CCDC177: variants seen among roughly 807,000 people sequenced by gnomAD.
CCDC177 encodes the protein coiled-coil domain-containing protein 177.
In CCDC177, 2 loss-of-function variants were observed where a neutral mutation model predicts 7.3. The ratio of observed to expected loss-of-function variants is 0.28; its 90% confidence interval spans 0.11 to 0.87. CCDC177 has a LOEUF of 0.87. CCDC177 is among the 40% of genes least tolerant of loss of function. The pLI is 0.61. For synonymous variants in CCDC177, 401 were observed against 449.2 expected, an observed-to-expected ratio of 0.89 and a Z score of 1.36; for missense variants, 874 against 970.5, an observed-to-expected ratio of 0.90 and a Z score of 1.32.
At position 69,572,551 on chromosome 14, in the gene CCDC177, G is replaced by A. The variant is rs1884350371; in HGVS notation, c.1072C>T (p.Gln358Ter). The A allele has an allele frequency of 2.4e-6, 3 of 1,231,132 alleles. No homozygotes were observed. The highest frequency in any genetic ancestry group is 3.0e-6 in the Non-Finnish European group (3 of 987,516). The allele number at this position is 1,231,132 out of a possible 1,614,324, so 76.3% of individuals were successfully genotyped here. A position where few individuals can be genotyped will look rare whatever the true frequency, so the allele number is the denominator to read the frequency against. The change falls in exon 2 of 2, where the codon CAA becomes TAA. Residue 358 changes from glutamine (Q) to a stop codon, truncating the protein, a stop_gained. Coordinates refer to ENST00000599174, the MANE Select transcript of CCDC177 (RefSeq NM_001271507.2). LOFTEE classifies it low-confidence loss of function (END_TRUNC). ...CACTGGCCGTGGGCAGCCGCGCGTT[G>A]CTCCAGCAGCAGGAGCTCCTCCTGG... The part of the protein sequence containing the change: ...RHQEELLLLE[Q>*]RAAAHGQWEL...
Position 69,572,446 on chromosome 14 carries a change from G to C in CCDC177, c.1177C>G (p.Arg393Gly), listed in dbSNP as rs1332448329. 6.5e-6 allele frequency: 8 copies of C among 1,229,200 alleles called. No individual in the cohort carries two copies. The highest frequency in any genetic ancestry group is 4.7e-5 in the African/African-American group (3 of 64,332). The allele number at this position is 1,229,200 out of a possible 1,614,324, so 76.1% of individuals were successfully genotyped here. ...EKQRALEQGR[R>G]AWAAQVEERR... ...TCCTCCACCTGCGCGGCCCAGGCTC[G>C]GCGGCCCTGCTCTAGGGCGCGCTGC... Residue 393 changes from arginine (R) to glycine (G), a missense_variant, in exon 2 of 2, where the codon CGA becomes GGA. Arg to Gly is a moderately radical substitution (Grantham distance 125). Transcript: ENST00000599174.
In CCDC177 at chr14:69,571,926, T is replaced by C. The variant is rs1884332357; in HGVS notation, c.1697A>G (p.Gln566Arg). ...LRERARREEL[Q>R]GRRAKEAAER... ...TGCCGCCTCCTTGGCCCGCCGACCC[T>C]GCAGCTCCTCTCGCCGGGCCCGCTC... The change falls in exon 2 of 2, where the codon CAG (glutamine) becomes CGG (arginine). Residue 566 changes from glutamine to arginine, a missense_variant. Coordinates refer to ENST00000599174, the MANE Select transcript of CCDC177 (RefSeq NM_001271507.2). The C allele has an allele frequency of 1.6e-6, 2 of 1,232,252 alleles. No individual in the cohort carries two copies. Among genetic ancestry groups the C allele is most frequent in the Non-Finnish European group, 2.0e-6 (2 of 988,438 alleles). 76.3% of individuals were successfully genotyped at this position (1,232,252 alleles called of 1,614,324 possible).
chr14:69,574,257 T>C (rs2047911869), intron 1 of CCDC177, among the ~76,000 whole-genome samples: 1 of 152,216 alleles, frequency 6.6e-6, no homozygotes, highest in East Asian at 1.9e-4. Context: ...CCAGCAGCTC[T>C]GGCAGGGCTT....
In CCDC177 at chr14:69,570,856, A is replaced by G. The variant is rs1347963030; in HGVS notation, c.*643T>C. 1 of 457,538 alleles carries G rather than the reference A, an allele frequency of 2.2e-6. No individual in the cohort carries two copies. The highest frequency in any genetic ancestry group is 4.4e-6 in the Non-Finnish European group (1 of 226,816). 28.3% of individuals were successfully genotyped at this position (457,538 alleles called of 1,614,324 possible). A position where few individuals can be genotyped will look rare whatever the true frequency, so the allele number is the denominator to read the frequency against. ...GAACATTATCTGCAGATGACTGTCT[A>G]ACTAGAAAACCCAAGGGACTAAACT... On this transcript the variant is annotated 3_prime_UTR_variant, in exon 2 of 2. Coordinates refer to ENST00000599174, the MANE Select transcript of CCDC177 (RefSeq NM_001271507.2).
chr14:69,572,963 C>G lies in CCDC177; in HGVS notation c.660G>C (p.Pro220=). The G allele has an allele frequency of 3.2e-6, 4 of 1,231,146 alleles. No homozygotes were observed. The highest frequency in any genetic ancestry group is 4.1e-6 in the Non-Finnish European group (4 of 987,608). The allele number at this position is 1,231,146 out of a possible 1,614,324, so 76.3% of individuals were successfully genotyped here. Residue 220 remains proline (P), a synonymous_variant, in exon 2 of 2, where the codon CCG becomes CCC. Transcript: ENST00000599174. ...PSPSSARTQP[P]PAGSRTGRKS... is the part of the protein sequence containing the mutation. ...TCCTGCCTGTTCGAGAACCCGCTGGCGGAGGTTGGGTCCGGGCGGAGGAGG... is the reference window on the plus strand; with the variant it reads ...TCCTGCCTGTTCGAGAACCCGCTGGGGGAGGTTGGGTCCGGGCGGAGGAGG...
Position 69,573,558 on chromosome 14 carries a change from T to A in CCDC177, c.65A>T (p.Glu22Val). 1 of 1,231,828 alleles carries A rather than the reference T, an allele frequency of 8.1e-7. No homozygotes were observed. Among genetic ancestry groups the A allele is most frequent in the South Asian group, 4.1e-5 (1 of 24,328 alleles). 76.3% of individuals were successfully genotyped at this position (1,231,828 alleles called of 1,614,324 possible). ...GAEPGDSGGDEAVASVPPDSQ... is the reference protein window; with the variant it reads ...GAEPGDSGGDVAVASVPPDSQ... ...ATCAGGGGGCACGGACGCCACGGCCTCGTCCCCTCCAGAGTCGCCGGGTTC... is the reference window on the plus strand; with the variant it reads ...ATCAGGGGGCACGGACGCCACGGCCACGTCCCCTCCAGAGTCGCCGGGTTC... The change falls in exon 2 of 2, where the codon GAG (glutamate) becomes GTG (valine). Residue 22 changes from glutamate (E) to valine (V), a missense_variant. By Grantham distance (121) the Glu-to-Val change is moderately radical. Transcript: ENST00000599174.
At position 69,574,576 on chromosome 14, in the gene CCDC177, T is replaced by G. The variant is rs1187671049; in HGVS notation, c.-63A>C. 1.3e-5 allele frequency: 2 copies of G among 152,274 alleles called. No homozygotes were observed. 9.4% of individuals were successfully genotyped at this position (152,274 alleles called of 1,614,324 possible). On this transcript the variant is annotated 5_prime_UTR_variant, in exon 1 of 2. Transcript: ENST00000599174. Reference sequence around the variant, plus strand: ...TGGGCTTCGGCCCCGCGCCAAGGGCTTTTGTTCGCAGCTCGCCGCTGTCCC... The same window carrying G: ...TGGGCTTCGGCCCCGCGCCAAGGGCGTTTGTTCGCAGCTCGCCGCTGTCCC...
chr14:69,573,240 C>G lies in CCDC177; in HGVS notation c.383G>C (p.Arg128Pro). The change falls in exon 2 of 2, where the codon CGG (arginine) becomes CCG (proline). Residue 128 changes from arginine (R) to proline (P), a missense_variant. Coordinates refer to ENST00000599174, the MANE Select transcript of CCDC177 (RefSeq NM_001271507.2). ...LVREAPGRSM[R>P]VATGLYEAYE... ...GGCCTCATACAGGCCGGTGGCCACC[C>G]GCATGGAGCGGCCCGGAGCCTCTCG... 1 of 1,230,666 alleles carries G rather than the reference C, an allele frequency of 8.1e-7. No individual in the cohort carries two copies. Among genetic ancestry groups the G allele is most frequent in the East Asian group, 3.2e-5 (1 of 31,564 alleles). The allele number at this position is 1,230,666 out of a possible 1,614,324, so 76.2% of individuals were successfully genotyped here.
Position 69,572,813 on chromosome 14 carries a change from C to T in CCDC177, c.810G>A (p.Ser270=), listed in dbSNP as rs1282205747. 5 of 1,231,306 alleles carry T rather than the reference C, an allele frequency of 4.1e-6. No individual in the cohort carries two copies. Among genetic ancestry groups the T allele is most frequent in the African/African-American group, 1.6e-5 (1 of 64,394 alleles). The allele number at this position is 1,231,306 out of a possible 1,614,324, so 76.3% of individuals were successfully genotyped here. A position where few individuals can be genotyped will look rare whatever the true frequency, so the allele number is the denominator to read the frequency against. ...LRELRWPPRA[S]ARNSCPAGSA... is the part of the protein sequence containing the mutation. Reference sequence around the variant, plus strand: ...ACCCCGCTGGGCAGCTGTTCCTGGCCGAGGCCCGAGGCGGCCAGCGCAGCT... The same window carrying T: ...ACCCCGCTGGGCAGCTGTTCCTGGCTGAGGCCCGAGGCGGCCAGCGCAGCT... The change falls in exon 2 of 2, where the codon TCG becomes TCA. Residue 270 remains serine, a synonymous_variant. Coordinates refer to ENST00000599174, the MANE Select transcript of CCDC177 (RefSeq NM_001271507.2).
rs1884326237 is a variant in CCDC177 at position 69,571,639 on chromosome 14, G to T, written c.1984C>A (p.Arg662Ser). 1 of 1,232,562 alleles carries T rather than the reference G, an allele frequency of 8.1e-7. No individual in the cohort carries two copies. The allele number at this position is 1,232,562 out of a possible 1,614,324, so 76.4% of individuals were successfully genotyped here. ...GAGCGGGCGCTCTCCAGCGCACTGCGCCGTTCCCGCGTCAGCTGCTCGCTG... is the reference window on the plus strand; with the variant it reads ...GAGCGGGCGCTCTCCAGCGCACTGCTCCGTTCCCGCGTCAGCTGCTCGCTG... Reference protein sequence around the residue: ...ERSEQLTRERRSALESARSTA... With the variant: ...ERSEQLTRERSSALESARSTA... The change falls in exon 2 of 2, where the codon CGC becomes AGC. Residue 662 changes from arginine to serine, a missense_variant. By Grantham distance (110) the Arg-to-Ser change is moderately radical (BLOSUM62 -1). Transcript: ENST00000599174.
rs188065373 is a variant in CCDC177 at position 69,570,966 on chromosome 14, C to T, written c.*533G>A. On this transcript the variant is annotated 3_prime_UTR_variant, in exon 2 of 2. Transcript: ENST00000599174. ...TCAACTGCTTTTTGGATCATTTGGG[C>T]GTGGCTTGACACCTTGGAGGAGCTG... The T allele has an allele frequency of 5.2e-3, 2,411 of 459,366 alleles. 8 individuals carry two copies. The highest frequency in any genetic ancestry group is 0.013 in the Middle Eastern group (40 of 3,078). 28.5% of individuals were successfully genotyped at this position (459,366 alleles called of 1,614,324 possible).
At position 69,571,718 on chromosome 14, in the gene CCDC177, G is replaced by C; in HGVS notation, c.1905C>G (p.Asp635Glu). The change falls in exon 2 of 2, where the codon GAC (aspartate) becomes GAG (glutamate). Residue 635 changes from aspartate (D) to glutamate (E), a missense_variant. Coordinates refer to ENST00000599174, the MANE Select transcript of CCDC177 (RefSeq NM_001271507.2). ...GTAGCTCTCGCCGGCGGCAGTCTTC[G>C]TCCCTCTCCACCTTCTCCTTGTTGG... Reference protein sequence around the residue: ...QRANKEKVERDEDCRRRELLQ... With the variant: ...QRANKEKVEREEDCRRRELLQ... The C allele has an allele frequency of 2.4e-6, 3 of 1,231,788 alleles. No individual in the cohort carries two copies. Among genetic ancestry groups the C allele is most frequent in the Non-Finnish European group, 3.0e-6 (3 of 988,104 alleles). 76.3% of individuals were successfully genotyped at this position (1,231,788 alleles called of 1,614,324 possible).
rs908249647 is a variant in CCDC177, at chr14:69,572,494, G to A, written c.1129C>T (p.Arg377Trp). The A allele has an allele frequency of 4.9e-6, 6 of 1,230,730 alleles. No individual in the cohort carries two copies. The highest frequency in any genetic ancestry group is 8.5e-5 in the Admixed American group (2 of 23,654). The allele number at this position is 1,230,730 out of a possible 1,614,324, so 76.2% of individuals were successfully genotyped here. A position where few individuals can be genotyped will look rare whatever the true frequency, so the allele number is the denominator to read the frequency against. The change falls in exon 2 of 2, where the codon CGG becomes TGG. Residue 377 changes from arginine (R) to tryptophan (W), a missense_variant. Transcript: ENST00000599174. ...ELQRVHAKQR[R>W]EREEREKQRA... ...TGCTTCTCCCGCTCCTCGCGCTCCC[G>A]CCGCTGCTTGGCGTGCACGCGCTGC...
chr14:69,572,864 T>C lies in CCDC177; in HGVS notation c.759A>G (p.Ser253=), dbSNP rs1212383311. 2.8e-5 allele frequency: 34 copies of C among 1,230,656 alleles called. No individual in the cohort carries two copies. Among genetic ancestry groups the C allele is most frequent in the South Asian group, 4.1e-5 (1 of 24,322 alleles). The allele number at this position is 1,230,656 out of a possible 1,614,324, so 76.2% of individuals were successfully genotyped here. Reference sequence around the variant, plus strand: ...CCCTCAAGCTTTCCCCACTGTAGGATGACGACGATGCGCCCGACTCGGAGC... The same window carrying C: ...CCCTCAAGCTTTCCCCACTGTAGGACGACGACGATGCGCCCGACTCGGAGC... ...ALSSESGASS[S]SYSGESLREL... is the part of the protein sequence containing the mutation. The change falls in exon 2 of 2, where the codon TCA becomes TCG. Residue 253 remains serine (S), a synonymous_variant. Transcript: ENST00000599174.
Position 69,572,807 on chromosome 14 carries a change from C to G in CCDC177, c.816G>C (p.Arg272Ser), listed in dbSNP as rs1267039080. ...ELRWPPRASA[R>S]NSCPAGSASS... ...ACGCCGACCCCGCTGGGCAGCTGTT[C>G]CTGGCCGAGGCCCGAGGCGGCCAGC... The change falls in exon 2 of 2, where the codon AGG becomes AGC. Residue 272 changes from arginine (R) to serine (S), a missense_variant. Physicochemically the swap from Arg to Ser is moderately radical, Grantham distance 110. Coordinates refer to ENST00000599174, the MANE Select transcript of CCDC177 (RefSeq NM_001271507.2). The G allele has an allele frequency of 8.1e-7, 1 of 1,231,346 alleles. No homozygotes were observed. Among genetic ancestry groups the G allele is most frequent in the Non-Finnish European group, 1.0e-6 (1 of 987,792 alleles). The allele number at this position is 1,231,346 out of a possible 1,614,324, so 76.3% of individuals were successfully genotyped here.
In CCDC177 at chr14:69,571,783, C is replaced by T. The variant is rs569592833; in HGVS notation, c.1840G>A (p.Val614Met). The T allele has an allele frequency of 1.6e-6, 2 of 1,231,616 alleles. No homozygotes were observed. The highest frequency in any genetic ancestry group is 3.2e-5 in the East Asian group (1 of 31,664). The allele number at this position is 1,231,616 out of a possible 1,614,324, so 76.3% of individuals were successfully genotyped here. ...EEAVQQKARR[V>M]GQSRLEKERA... ...TCCTTCTCCAGCCGGCTCTGGCCCA[C>T]GCGCCGCGCCTTCTGCTGCACTGCT... The change falls in exon 2 of 2, where the codon GTG becomes ATG. Residue 614 changes from valine to methionine, a missense_variant. Val to Met is a conservative substitution (Grantham distance 21). Transcript: ENST00000599174.
chr14:69,572,376 C>T lies in CCDC177; in HGVS notation c.1247G>A (p.Arg416Gln). 8.2e-7 allele frequency: 1 copy of T among 1,219,932 alleles called. No homozygotes were observed. Among genetic ancestry groups the T allele is most frequent in the Non-Finnish European group, 1.0e-6 (1 of 980,586 alleles). The allele number at this position is 1,219,932 out of a possible 1,614,324, so 75.6% of individuals were successfully genotyped here. A position where few individuals can be genotyped will look rare whatever the true frequency, so the allele number is the denominator to read the frequency against. Residue 416 changes from arginine to glutamine, a missense_variant, in exon 2 of 2, where the codon CGG becomes CAG. Arg to Gln is a conservative substitution (Grantham distance 43). Coordinates refer to ENST00000599174, the MANE Select transcript of CCDC177 (RefSeq NM_001271507.2). ...GCTGCGCTCGTACTGCCGCTGCCGC[C>T]GCCGCGCCGCCTCGCGCTCTTCGCG... The part of the protein sequence containing the change: ...RGREEREAAR[R>Q]RQRQYERSEE...
Position 69,573,082 on chromosome 14 carries a change from AGGCCGCGGCGGCGGCGGCGGCGGCGGC to A in CCDC177, c.514_540del (p.Ala172_Ala180del), listed in dbSNP as rs1365454914. On this transcript the variant is annotated inframe_deletion, in exon 2 of 2. Coordinates refer to ENST00000599174, the MANE Select transcript of CCDC177 (RefSeq NM_001271507.2). ...CTGCTGCTGCCCGCGCTCGGGGCCG[AGGCCGCGGCGGCGGCGGCGGCGGCGGC>A]GGCCGCGGGGCTCAAAGGCGTGAAA... 2.7e-6 allele frequency: 3 copies of A among 1,123,702 alleles called. No individual in the cohort carries two copies. The highest frequency in any genetic ancestry group is 9.8e-5 in the South Asian group (2 of 20,378). 69.6% of individuals were successfully genotyped at this position (1,123,702 alleles called of 1,614,324 possible). A position where few individuals can be genotyped will look rare whatever the true frequency, so the allele number is the denominator to read the frequency against.
chr14:69,571,409 G>T lies in CCDC177; in HGVS notation c.*90C>A. 1 of 928,712 alleles carries T rather than the reference G, an allele frequency of 1.1e-6. No individual in the cohort carries two copies. Among genetic ancestry groups the T allele is most frequent in the Non-Finnish European group, 1.4e-6 (1 of 695,054 alleles). 57.5% of individuals were successfully genotyped at this position (928,712 alleles called of 1,614,324 possible). On this transcript the variant is annotated 3_prime_UTR_variant, in exon 2 of 2. Coordinates refer to ENST00000599174, the MANE Select transcript of CCDC177 (RefSeq NM_001271507.2). ...AGAAGCCTCGAGAGGCCACCGCGCT[G>T]CGCACCGAGCGGGGACTCCCACGAT...
Sources: allele counts gnomAD v4.1 joint callset (sites outside exome capture counted in the v4.1 genomes callset), GRCh38; gene constraint gnomAD v4.1.1; transcripts MANE v1.5; gene names NCBI Gene and HGNC (gene_info 2026-07-23, HGNC 2026-07-21).